ATP5MC3: variants seen among roughly 807,000 people sequenced by gnomAD.
ATP5MC3 encodes the protein ATP synthase F(0) complex subunit C3, mitochondrial.
In ATP5MC3, 6 loss-of-function variants were observed where a neutral mutation model predicts 15.6. The ratio of observed to expected loss-of-function variants is 0.38; its 90% CI spans 0.21 to 0.76. The LOEUF (loss-of-function observed/expected upper bound fraction) is 0.76, where lower values mean the gene tolerates loss of function less well. ATP5MC3 is among the 30% of genes least tolerant of loss of function. The pLI is 0.44. For synonymous variants in ATP5MC3, 66 were observed against 63.3 expected, an observed-to-expected ratio of 1.04 and a Z score of -0.20; for missense variants, 132 against 171.2, an observed-to-expected ratio of 0.77 and a Z score of 1.28.
In ATP5MC3 at chr2:175,178,120, T is replaced by A; in HGVS notation, c.*168A>T. 1 of 1,303,894 alleles carries A rather than the reference T, an allele frequency of 7.7e-7. No individual in the cohort carries two copies. Among genetic ancestry groups the A allele is most frequent in the Non-Finnish European group, 1.0e-6 (1 of 995,270 alleles). The allele number at this position is 1,303,894 out of a possible 1,614,324, so 80.8% of individuals were successfully genotyped here. A position where few individuals can be genotyped will look rare whatever the true frequency, so the allele number is the denominator to read the frequency against. On this transcript the variant is annotated 3_prime_UTR_variant, in exon 5 of 5. Transcript: ENST00000284727. ...CTTCTTTGTGATAATCTAAACTTAG[T>A]GTAAGTACAAATCACAGAAGAAATT...
In ATP5MC3 at chr2:175,181,689, C is replaced by T. The variant is rs1236794630; in HGVS notation, c.-107G>A. The T allele has an allele frequency of 1.3e-5, 6 of 446,128 alleles. No homozygotes were observed. The highest frequency in any genetic ancestry group is 2.0e-5 in the Non-Finnish European group (5 of 251,060). The allele number at this position is 446,128 out of a possible 1,614,324, so 27.6% of individuals were successfully genotyped here. A position where few individuals can be genotyped will look rare whatever the true frequency, so the allele number is the denominator to read the frequency against. On this transcript the variant is annotated 5_prime_UTR_variant, in exon 1 of 5. Transcript: ENST00000284727. ...GAGGCGGCGGCGGCACGGGCTGCGG[C>T]AGAGGTCGAAGGAGTGGGACTCAAT...
Position 175,177,334 on chromosome 2 carries a change from A to C in ATP5MC3, c.*954T>G, listed in dbSNP as rs944030144. The C allele has an allele frequency of 3.3e-5, 5 of 152,302 alleles. No homozygotes were observed. The highest frequency in any genetic ancestry group is 2.0e-4 in the Admixed American group (3 of 15,302). 9.4% of individuals were successfully genotyped at this position (152,302 alleles called of 1,614,324 possible). ...AAGAAAAGTAAAATGTCACTTTCCTAATTATCAACTTTCAAAAAACCCTGA... is the reference window on the plus strand; with the variant it reads ...AAGAAAAGTAAAATGTCACTTTCCTCATTATCAACTTTCAAAAAACCCTGA... On this transcript the variant is annotated 3_prime_UTR_variant, in exon 5 of 5. Transcript: ENST00000284727.
intron 2 of ATP5MC3, among the ~76,000 whole-genome samples, chr2:175,181,086 C>T (rs1011884322): frequency 6.6e-6 from 1 of 152,216 alleles, no homozygotes. Context: ...GGGAAAGGGC[C>T]ACTCCTGGTC....
chr2:175,178,207 T>C lies in ATP5MC3; in HGVS notation c.*81A>G. 2.6e-6 allele frequency: 4 copies of C among 1,533,778 alleles called. No individual in the cohort carries two copies. Among genetic ancestry groups the C allele is most frequent in the Middle Eastern group, 1.8e-4 (1 of 5,672 alleles). ...ACGTACATTCCCATGACACCAATAC[T>C]ACAGTTTTCGGAGTCACAGTAAGAT... On this transcript the variant is annotated 3_prime_UTR_variant, in exon 5 of 5. Coordinates refer to ENST00000284727, the MANE Select transcript of ATP5MC3 (RefSeq NM_001689.5).
At chr2:175,178,596 T>A in intron 4 of ATP5MC3, 194 bp from the exon 5 acceptor site, 1 of 1,309,512 alleles carries the variant, frequency 7.6e-7, no homozygotes, top group Non-Finnish European at 9.7e-7. Context: ...GAGCTGTCTG[T>A]CAATATAAAT....
chr2:175,179,090 G>C lies in ATP5MC3; in HGVS notation c.281C>G (p.Thr94Arg). Residue 94 changes from threonine to arginine, a missense_variant, in exon 4 of 5, where the codon ACA becomes AGA. This residue lies in a region of ATP5MC3 where 42 missense variants were observed against 85.0 expected (regional missense o/e 0.49). Coordinates refer to ENST00000284727, the MANE Select transcript of ATP5MC3 (RefSeq NM_001689.5). ...ACCAATGATAAGGCTGCCAAAGACT[G>C]TTCCAATACCAGCACCAGAACCAGC... ...GVAGSGAGIGTVFGSLIIGYA... is the reference protein window; with the variant it reads ...GVAGSGAGIGRVFGSLIIGYA... 1.2e-6 allele frequency: 2 copies of C among 1,614,118 alleles called. No homozygotes were observed. The highest frequency in any genetic ancestry group is 1.7e-6 in the Non-Finnish European group (2 of 1,180,024).
chr2:175,181,630 C>G, intron 1 of ATP5MC3, 26 bp downstream of exon 1: 1 of 538,148 alleles, frequency 1.9e-6, no homozygotes, highest in East Asian at 3.3e-5. Context: ...CCTGGCCAGG[C>G]CGGGCTCCCT....
Position 175,178,087 on chromosome 2 carries a change from T to C in ATP5MC3, c.*201A>G. 1 of 1,032,356 alleles carries C rather than the reference T, an allele frequency of 9.7e-7. No homozygotes were observed. Among genetic ancestry groups the C allele is most frequent in the Non-Finnish European group, 1.3e-6 (1 of 771,496 alleles). The allele number at this position is 1,032,356 out of a possible 1,614,324, so 63.9% of individuals were successfully genotyped here. ...CTGAATGGGACAGCATCTGCCTGAA[T>C]GCACGTTCTTCTTTGTGATAATCTA... On this transcript the variant is annotated 3_prime_UTR_variant, in exon 5 of 5. Transcript: ENST00000284727.
At chr2:175,178,697 TAAATA>T (rs1700724271) in intron 4 of ATP5MC3, 2 of 1,159,772 alleles carry the variant, frequency 1.7e-6, no homozygotes, top group Non-Finnish European at 1.1e-6. Flanking sequence ...GTTTAGGTCT[TAAATA>T]AAATAAATTG....
chr2:175,178,119 G>C lies in ATP5MC3; in HGVS notation c.*169C>G. ...TCTTCTTTGTGATAATCTAAACTTA[G>C]TGTAAGTACAAATCACAGAAGAAAT... On this transcript the variant is annotated 3_prime_UTR_variant, in exon 5 of 5. Coordinates refer to ENST00000284727, the MANE Select transcript of ATP5MC3 (RefSeq NM_001689.5). The C allele has an allele frequency of 7.7e-7, 1 of 1,296,984 alleles. No individual in the cohort carries two copies. The highest frequency in any genetic ancestry group is 1.0e-6 in the Non-Finnish European group (1 of 989,738). 80.3% of individuals were successfully genotyped at this position (1,296,984 alleles called of 1,614,324 possible).
intron 4 of ATP5MC3, 190 bp downstream of exon 4, chr2:175,178,864 CCTT>C (rs1207416017): frequency 3.3e-5 from 37 of 1,135,748 alleles, no homozygotes; most frequent in Non-Finnish European, 4.1e-5. Context: ...TGTCTCTAGT[CCTT>C]CATAGATGTT....
At position 175,180,263 on chromosome 2, in the gene ATP5MC3, TA is replaced by T; in HGVS notation, c.40-86del. On this transcript the variant is annotated intron_variant, in intron 2 of 4. Coordinates refer to ENST00000284727, the MANE Select transcript of ATP5MC3 (RefSeq NM_001689.5). ...ATGACTTTTCTGGTACCATGAATTC[TA>T]AAAAAGCAAGCAGTAAAAATGAATC... 4 of 1,032,304 alleles carry T rather than the reference TA, an allele frequency of 3.9e-6. No individual in the cohort carries two copies. The South Asian group carries it at 8.5e-5, about 22-fold the overall frequency. 63.9% of individuals were successfully genotyped at this position (1,032,304 alleles called of 1,614,324 possible).
Position 175,177,750 on chromosome 2 carries a change from G to C in ATP5MC3, c.*538C>G, listed in dbSNP as rs537360056. On this transcript the variant is annotated 3_prime_UTR_variant, in exon 5 of 5. Transcript: ENST00000284727. ...AAAACAAAAGTCACATTACCCCCTA[G>C]CTTAAGGCTTCATTTCCTAAAAAGC... The C allele has an allele frequency of 6.6e-6, 1 of 152,118 alleles. No homozygotes were observed. Among genetic ancestry groups the C allele is most frequent in the Non-Finnish European group, 1.5e-5 (1 of 68,028 alleles). 9.4% of individuals were successfully genotyped at this position (152,118 alleles called of 1,614,324 possible).
intron 3 of ATP5MC3, 65 bp downstream of exon 3, chr2:175,180,033 C>T (rs1320205644): frequency 6.1e-6 from 8 of 1,311,742 alleles, no homozygotes; most frequent in Non-Finnish European, 6.3e-6. Context: ...TTTTTTCCTT[C>T]ACTCTAATCA....
rs1700695519 is a variant in ATP5MC3, at chr2:175,176,996, T to A, written c.*1292A>T. 6.6e-6 allele frequency: 1 copy of A among 152,212 alleles called. No individual in the cohort carries two copies. The highest frequency in any genetic ancestry group is 2.1e-4 in the South Asian group (1 of 4,832). 9.4% of individuals were successfully genotyped at this position (152,212 alleles called of 1,614,324 possible). ...ATTCTTTTGGGTGATATAGACTAGA[T>A]GATGAATCAACTAAAAACGAGGTAG... is the stretch of plus-strand genomic sequence containing the variant. On this transcript the variant is annotated 3_prime_UTR_variant, in exon 5 of 5. Transcript: ENST00000284727.
chr2:175,178,588 GCTGT>G (rs1350525379), intron 4 of ATP5MC3, 186 bp from the exon 5 acceptor site: 1 of 1,321,198 alleles, frequency 7.6e-7, no homozygotes, highest in Non-Finnish European at 9.7e-7. Context: ...AAGGTAGGGA[GCTGT>G]CTGTCAATAT....
chr2:175,180,061 G>C lies in ATP5MC3; in HGVS notation c.120+37C>G, dbSNP rs151324447. The C allele has an allele frequency of 2.9e-4, 432 of 1,476,994 alleles. 6 individuals are homozygous for C. In the East Asian group the frequency reaches 9.5e-3, roughly 32 times the overall value. The allele number at this position is 1,476,994 out of a possible 1,614,324, so 91.5% of individuals were successfully genotyped here. On this transcript the variant is annotated intron_variant, in intron 3 of 4. Coordinates refer to ENST00000284727, the MANE Select transcript of ATP5MC3 (RefSeq NM_001689.5). ...TCTAATCAAAACCCTACCCTTATTT[G>C]GTAGTGTTACCTAATTTCAATTATT...
At position 175,178,228 on chromosome 2, in the gene ATP5MC3, A is replaced by G. The variant is rs1200020514; in HGVS notation, c.*60T>C. ...ATACTACAGTTTTCGGAGTCACAGT[A>G]AGATACACAGAATTACATCCGTAAT... On this transcript the variant is annotated 3_prime_UTR_variant, in exon 5 of 5. Coordinates refer to ENST00000284727, the MANE Select transcript of ATP5MC3 (RefSeq NM_001689.5). 1 of 1,573,570 alleles carries G rather than the reference A, an allele frequency of 6.4e-7. No homozygotes were observed. Among genetic ancestry groups the G allele is most frequent in the African/African-American group, 1.4e-5 (1 of 72,592 alleles).
chr2:175,181,546 A>C (rs1454750384), intron 1 of ATP5MC3, 80 bp from the exon 2 acceptor site: 335 of 907,078 alleles, frequency 3.7e-4, no homozygotes, highest in Non-Finnish European at 5.0e-4. Context: ...GCTCCCGTGC[A>C]CGCCGTCAGC....
Sources: gnomAD v4.1 joint callset for allele counts (sites outside exome capture counted in the v4.1 genomes callset) on GRCh38, gnomAD v4.1.1 for gene constraint, gnomAD v4.1.1 regional missense constraint, MANE v1.5 for transcripts, NCBI Gene and HGNC (gene_info 2026-07-23, HGNC 2026-07-21) for gene names.